Variants in FGF1 observed in about 807,000 individuals in gnomAD.
FGF1 encodes fibroblast growth factor 1.
In FGF1, 9 loss-of-function variants were observed where a neutral mutation model predicts 13.4. The ratio of observed to expected loss-of-function variants is 0.67; its 90% CI spans 0.40 to 1.17. FGF1 has a LOEUF of 1.17. FGF1 is among the 50% of genes most tolerant of loss of function. FGF1 has a pLI of 0.01. For synonymous variants in FGF1, 93 were observed against 79.0 expected, an observed-to-expected ratio of 1.18 and a Z score of -0.94; for missense variants, 156 against 192.7, an observed-to-expected ratio of 0.81 and a Z score of 1.13.
At chr5:142,635,060 G>T (rs1764020796) in intron 1 of FGF1, among the ~76,000 whole-genome samples, 1 of 152,116 alleles carries the variant, frequency 6.6e-6, no homozygotes, top group African/African-American at 2.4e-5. Flanking sequence ...GTATCGGAAA[G>T]GCAGGGGCTG....
At chr5:142,623,765 A>G (rs1177531798) in intron 1 of FGF1, among the ~76,000 whole-genome samples, 1 of 146,208 alleles carries the variant, frequency 6.8e-6, no homozygotes, top group Non-Finnish European at 1.5e-5. Flanking sequence ...TTTTTTTGAG[A>G]TAGGGTCTTG....
chr5:142,625,599 T>C (rs1762329015), intron 1 of FGF1, among the ~76,000 whole-genome samples: 1 of 152,134 alleles, frequency 6.6e-6, no homozygotes, highest in Admixed American at 6.5e-5. Context: ...GTCCAAACCA[T>C]CCGGCCGGCC....
rs1296350946 is a variant in FGF1, at chr5:142,634,192, CAAGAA to C, written c.-34-20036_-34-20032del. ...TGGGTGACAGAGCGAGACTCCATCT[CAAGAA>C]AAAAAAAAAAAAAAAACTCCCTCTA... is the stretch of plus-strand genomic sequence containing the variant. On this transcript the variant is annotated intron_variant, in intron 1 of 3. Coordinates refer to ENST00000337706, the MANE Select transcript of FGF1 (RefSeq NM_000800.5). Among the ~76,000 whole-genome samples the C allele has an allele frequency of 2.6e-3, 137 of 53,366 alleles. 2 individuals carry two copies. The highest frequency in any genetic ancestry group is 0.011 in the African/African-American group (135 of 12,010). 35.0% of individuals were successfully genotyped at this position (53,366 alleles called of 152,430 possible).
intron 3 of FGF1, among the ~76,000 whole-genome samples, chr5:142,599,327 G>C (rs1384219734): frequency 6.6e-6 from 1 of 152,180 alleles, no homozygotes; most frequent in Non-Finnish European, 1.5e-5. Flanking sequence ...CTATTACGCT[G>C]ATGATTTAAT....
chr5:142,598,618 AT>A (rs1221213799), intron 3 of FGF1, among the ~76,000 whole-genome samples: 150 of 152,312 alleles, frequency 9.8e-4, no homozygotes, highest in African/African-American at 3.2e-3. Flanking sequence ...CTTAAAAAAA[AT>A]ATACATATCC....
intron 2 of FGF1, among the ~76,000 whole-genome samples, chr5:142,606,444 G>A (rs555120830): frequency 8.5e-4 from 127 of 150,270 alleles, no homozygotes; most frequent in African/African-American, 2.4e-3. Flanking sequence ...GTGAAACCCC[G>A]TCTCTACTAA....
At chr5:142,620,560 T>C (rs1301083981) in intron 1 of FGF1, among the ~76,000 whole-genome samples, 2 of 152,200 alleles carry the variant, frequency 1.3e-5, no homozygotes, top group Admixed American at 6.5e-5. Flanking sequence ...TCCAAACATG[T>C]ATATATCTAA....
intron 1 of FGF1, among the ~76,000 whole-genome samples, chr5:142,684,880 G>A (rs1046074221): frequency 1.3e-5 from 2 of 150,664 alleles, no homozygotes; most frequent in East Asian, 2.0e-4. Context: ...GTAAACAATC[G>A]CATCCCTGTA....
chr5:142,619,530 A>G (rs1761045284), intron 1 of FGF1, among the ~76,000 whole-genome samples: 1 of 152,246 alleles, frequency 6.6e-6, no homozygotes, highest in Non-Finnish European at 1.5e-5. Context: ...TAAATGTTAA[A>G]GGTAACTACT....
intron 1 of FGF1, among the ~76,000 whole-genome samples, chr5:142,656,668 G>T (rs1366601102): frequency 6.6e-6 from 1 of 152,158 alleles, no homozygotes; most frequent in Non-Finnish European, 1.5e-5. Flanking sequence ...AATAAGTTAT[G>T]GGTCTAAGCA....
chr5:142,629,212 G>A (rs1489181880), intron 1 of FGF1, among the ~76,000 whole-genome samples: 2 of 152,178 alleles, frequency 1.3e-5, no homozygotes, highest in African/African-American at 4.8e-5. Flanking sequence ...CTTTAGTGCA[G>A]TGGCACGAAT....
chr5:142,634,218 C>T (rs968164814), intron 1 of FGF1, among the ~76,000 whole-genome samples: 8 of 151,690 alleles, frequency 5.3e-5, no homozygotes, highest in Non-Finnish European at 1.2e-4. Flanking sequence ...AAAAAACTCC[C>T]TCTAGTGAAA....
chr5:142,620,205 A>C lies in FGF1; in HGVS notation c.-34-6044T>G, dbSNP rs74410917. ...GGCCGAGGTGGGCGGATCACGAGGT[A>C]AGGAGATCGAGACCATCCTGGCTAA... On this transcript the variant is annotated intron_variant, in intron 1 of 3. Coordinates refer to ENST00000337706, the MANE Select transcript of FGF1 (RefSeq NM_000800.5). Among the ~76,000 whole-genome samples the C allele has an allele frequency of 9.6e-3, 1,455 of 152,180 alleles. 25 individuals carry two copies. The highest frequency in any genetic ancestry group is 0.048 in the East Asian group (247 of 5,178).
At chr5:142,694,967 C>A (rs1362634154) in intron 2 of FGF1, among the ~76,000 whole-genome samples, 1 of 152,126 alleles carries the variant, frequency 6.6e-6, no homozygotes, top group Non-Finnish European at 1.5e-5. Flanking sequence ...GCTCTCTGAC[C>A]CATCACCTGT....
intron 2 of FGF1, among the ~76,000 whole-genome samples, chr5:142,607,506 T>G (rs1481408932): frequency 6.6e-6 from 1 of 152,190 alleles, no homozygotes; most frequent in Non-Finnish European, 1.5e-5. Flanking sequence ...AACAATTAAT[T>G]TAGCTGAAGA....
At position 142,593,601 on chromosome 5, in the gene FGF1, G is replaced by A. The variant is rs1754680619; in HGVS notation, c.*1689C>T. On this transcript the variant is annotated 3_prime_UTR_variant, in exon 4 of 4. Transcript: ENST00000337706. Reference sequence around the variant, plus strand: ...TATTCACAATTACCATTGCTTAAGAGTTCCTACTTTCAAAAGAAAATTTGT... The same window carrying A: ...TATTCACAATTACCATTGCTTAAGAATTCCTACTTTCAAAAGAAAATTTGT... The A allele has an allele frequency of 6.6e-6, 1 of 152,146 alleles. No homozygotes were observed. The highest frequency in any genetic ancestry group is 1.5e-5 in the Non-Finnish European group (1 of 68,026). 9.4% of individuals were successfully genotyped at this position (152,146 alleles called of 1,614,324 possible).
chr5:142,636,852 G>A (rs1764331059), intron 1 of FGF1, among the ~76,000 whole-genome samples: 1 of 152,042 alleles, frequency 6.6e-6, no homozygotes, highest in Non-Finnish European at 1.5e-5. Flanking sequence ...TGGGGAAGCT[G>A]GCAGGGCCAG....
chr5:142,687,425 G>GGATAA (rs1347562132), upstream of FGF1, among the ~76,000 whole-genome samples: 1 of 152,126 alleles, frequency 6.6e-6, no homozygotes, highest in African/African-American at 2.4e-5. Flanking sequence ...CTCCAATCAC[G>GGATAA]GATAAGCAGC....
chr5:142,666,777 T>A (rs1423834845), intron 1 of FGF1, among the ~76,000 whole-genome samples: 1 of 149,068 alleles, frequency 6.7e-6, no homozygotes, highest in South Asian at 2.1e-4. Flanking sequence ...ATCTCTACAT[T>A]TTTTTTTTAA....
Sources: gnomAD v4.1 joint callset for allele counts (sites outside exome capture counted in the v4.1 genomes callset) on GRCh38, gnomAD v4.1.1 for gene constraint, MANE v1.5 for transcripts, NCBI Gene and HGNC (gene_info 2026-07-23, HGNC 2026-07-21) for gene names.